Variants in ACOXL observed in about 807,000 individuals in gnomAD.
The protein encoded by ACOXL is acyl-CoA oxidase like.
ACOXL carries 70 observed loss-of-function variants against 71.9 expected under a neutral mutation model. The observed-to-expected ratio is 0.97, with a 90% CI of 0.80 to 1.19. The LOEUF (loss-of-function observed/expected upper bound fraction) is 1.19, where lower values mean the gene tolerates loss of function less well. Among genes scored for constraint, ACOXL ranks in the 50% most tolerant of loss-of-function variants. The pLI is 0.00. For synonymous variants in ACOXL, 253 were observed against 281.6 expected (o/e 0.90, Z 1.02); for missense variants, 703 against 736.3 (o/e 0.95, Z 0.52).
intron 16 of ACOXL, among the ~76,000 whole-genome samples, chr2:111,051,621 A>G (rs929767514): frequency 3.3e-5 from 5 of 152,090 alleles, no homozygotes; most frequent in Non-Finnish European, 5.9e-5. Flanking sequence ...GGTGTCTGCC[A>G]CCATGCCTGG....
chr2:110,855,031 T>C (rs2148949575), intron 10 of ACOXL, among the ~76,000 whole-genome samples: 1 of 152,340 alleles, frequency 6.6e-6, no homozygotes, highest in East Asian at 1.9e-4. Context: ...AGAGTCTTCT[T>C]TTAAATCACA....
At chr2:111,053,281 G>C (rs539577595) in intron 16 of ACOXL, among the ~76,000 whole-genome samples, 1 of 152,134 alleles carries the variant, frequency 6.6e-6, no homozygotes, top group East Asian at 1.9e-4. Flanking sequence ...GGAGCCCCAC[G>C]TCCTACATGT....
At chr2:110,967,154 T>C (rs1355483754) in intron 12 of ACOXL, among the ~76,000 whole-genome samples, 6 of 152,066 alleles carry the variant, frequency 3.9e-5, no homozygotes, top group Non-Finnish European at 8.8e-5. Flanking sequence ...GTACTACAAA[T>C]GCTCTTAAAA....
chr2:111,117,264 GGGAAGGACCAGGGA>G (rs1383820562), intron 17 of ACOXL, among the ~76,000 whole-genome samples: 1 of 152,208 alleles, frequency 6.6e-6, no homozygotes, highest in Non-Finnish European at 1.5e-5. Flanking sequence ...GAGGAGCGGA[GGGAAGGACCAGGGA>G]GGAAGGACCA....
chr2:111,007,270 A>G (rs1312385289), intron 14 of ACOXL, among the ~76,000 whole-genome samples: 1 of 152,156 alleles, frequency 6.6e-6, no homozygotes, highest in Non-Finnish European at 1.5e-5. Context: ...TTTTCCTCAA[A>G]CTTTCACCTA....
Position 110,764,948 on chromosome 2 carries a change from A to G in ACOXL, c.-22-3420A>G, listed in dbSNP as rs566034867. Among the ~76,000 whole-genome samples the G allele has an allele frequency of 2.6e-5, 4 of 152,302 alleles. No homozygotes were observed. In the East Asian group the frequency reaches 5.8e-4, roughly 22 times the overall value. ...TCTGTTTAAAGAACTACCTTTAGCCATTCTTTAAGTCAGCTTGCTAGCAAA... is the reference window on the plus strand; with the variant it reads ...TCTGTTTAAAGAACTACCTTTAGCCGTTCTTTAAGTCAGCTTGCTAGCAAA... On this transcript the variant is annotated intron_variant, in intron 1 of 17. Transcript: ENST00000439055.
intron 1 of ACOXL, among the ~76,000 whole-genome samples, chr2:110,764,180 A>G (rs1481750715): frequency 6.6e-6 from 1 of 152,206 alleles, no homozygotes; most frequent in Non-Finnish European, 1.5e-5. Flanking sequence ...AAAGGAATGG[A>G]AAACTTACGT....
rs78334070 is a variant in ACOXL, at chr2:110,868,877, C to A, written c.788+27472C>A. Among the ~76,000 whole-genome samples the A allele has an allele frequency of 1.1e-4, 16 of 152,342 alleles. No individual in the cohort carries two copies. The East Asian group carries it at 3.1e-3, about 29-fold the overall frequency. On this transcript the variant is annotated intron_variant, in intron 10 of 17. Transcript: ENST00000439055. ...ATGTGTTGGGATTGCAGGCGTGAGC[C>A]ACTGCTTCCAGCCTGGAGTTTCTTA...
At chr2:111,065,459 G>A (rs996610055) in intron 16 of ACOXL, among the ~76,000 whole-genome samples, 2 of 152,150 alleles carry the variant, frequency 1.3e-5, no homozygotes, top group African/African-American at 2.4e-5. Context: ...ATGGTTAGAC[G>A]GTGAGCTCTT....
At position 110,928,125 on chromosome 2, in the gene ACOXL, A is replaced by G. The variant is rs142767907; in HGVS notation, c.906-5364A>G. Among the ~76,000 whole-genome samples the G allele has an allele frequency of 6.5e-3, 991 of 152,342 alleles. 6 individuals carry two copies. Among genetic ancestry groups the G allele is most frequent in the Non-Finnish European group, 0.01 (713 of 68,030 alleles). On this transcript the variant is annotated intron_variant, in intron 11 of 17. Transcript: ENST00000439055. ...GGGCCACAGCACTGTCCCTGCTGCT[A>G]TCTTTCAACTGGATTCACTTGTTCT...
In ACOXL at chr2:110,771,687, G is replaced by C. The variant is rs1196841342; in HGVS notation, c.75+3223G>C. On this transcript the variant is annotated intron_variant, in intron 2 of 17. Coordinates refer to ENST00000439055, the MANE Select transcript of ACOXL (RefSeq NM_001142807.4). ...CAGAGTGTGCACGCACACACACACA[G>C]ACACACACACAGTGTGAACACCATC... is the stretch of plus-strand genomic sequence containing the variant. Among the ~76,000 whole-genome samples, 3 of 152,166 alleles carry C rather than the reference G, an allele frequency of 2.0e-5. 1 individual carries two copies. The highest frequency in any genetic ancestry group is 4.4e-5 in the Non-Finnish European group (3 of 68,026).
At chr2:110,871,803 C>T (rs1695315914) in intron 10 of ACOXL, among the ~76,000 whole-genome samples, 1 of 152,208 alleles carries the variant, frequency 6.6e-6, no homozygotes, top group South Asian at 2.1e-4. Flanking sequence ...TGGAGACCAA[C>T]ACTCATAGTG....
intron 1 of ACOXL, 81 bp from the exon 2 acceptor site, chr2:110,768,287 C>T (rs1243432562): frequency 8.9e-7 from 1 of 1,123,782 alleles, no homozygotes; most frequent in Non-Finnish European, 1.3e-6. Context: ...GCTTTTCTGT[C>T]TGAGCCCGGG....
rs10173397 is a variant in ACOXL at position 110,746,821 on chromosome 2, C to T, written c.-23+14047C>T. Among the ~76,000 whole-genome samples the T allele has an allele frequency of 2.3e-3, 351 of 151,604 alleles. 1 individual carries two copies. Among genetic ancestry groups the T allele is most frequent in the Middle Eastern group, 0.01 (3 of 294 alleles). ...TCCCCCTTTCCCCCTCTTCTCCCCCCGCCCTTTAGTTGCCTTCACCTGAAC... is the reference window on the plus strand; with the variant it reads ...TCCCCCTTTCCCCCTCTTCTCCCCCTGCCCTTTAGTTGCCTTCACCTGAAC... On this transcript the variant is annotated intron_variant, in intron 1 of 17. Coordinates refer to ENST00000439055, the MANE Select transcript of ACOXL (RefSeq NM_001142807.4).
chr2:110,856,432 A>T (rs1693253624), intron 10 of ACOXL, among the ~76,000 whole-genome samples: 1 of 152,228 alleles, frequency 6.6e-6, no homozygotes, highest in Non-Finnish European at 1.5e-5. Flanking sequence ...CCAAAACACA[A>T]GAGTCGTGAT....
At chr2:110,878,946 T>C (rs1158544262) in intron 10 of ACOXL, among the ~76,000 whole-genome samples, 1 of 150,530 alleles carries the variant, frequency 6.6e-6, no homozygotes, top group East Asian at 2.0e-4. Context: ...TAATTCCAGC[T>C]ACTCGGGAGG....
intron 16 of ACOXL, among the ~76,000 whole-genome samples, chr2:111,077,303 T>C (rs2067652181): frequency 6.6e-6 from 1 of 152,180 alleles, no homozygotes; most frequent in Non-Finnish European, 1.5e-5. Context: ...CAATATTTTA[T>C]CTCTTCAAGT....
intron 10 of ACOXL, among the ~76,000 whole-genome samples, chr2:110,899,522 CTCTT>C (rs1356401403): frequency 1.3e-5 from 2 of 152,084 alleles, no homozygotes; most frequent in African/African-American, 4.8e-5. Context: ...AGGATTGGCC[CTCTT>C]TCTTCCTTAC....
intron 11 of ACOXL, among the ~76,000 whole-genome samples, chr2:110,919,371 A>T (rs1219040944): frequency 7.1e-6 from 1 of 140,644 alleles, no homozygotes; most frequent in Non-Finnish European, 1.6e-5. Flanking sequence ...ACACATGGAC[A>T]CAGGGAGGGG....
Sources: allele counts gnomAD v4.1 joint callset (sites outside exome capture counted in the v4.1 genomes callset), GRCh38; gene constraint gnomAD v4.1.1; transcripts MANE v1.5; gene names NCBI Gene and HGNC (gene_info 2026-07-23, HGNC 2026-07-21).